SFXN5: variants seen among roughly 807,000 people sequenced by gnomAD.
The protein encoded by SFXN5 is sideroflexin 5.
In SFXN5, 43 loss-of-function variants were observed where a neutral mutation model predicts 50.2. The ratio of observed to expected loss-of-function variants is 0.86; its 90% CI spans 0.67 to 1.11. The LOEUF is 1.11. SFXN5 is among the 50% of genes least tolerant of loss of function. The pLI, the probability that SFXN5 is intolerant of heterozygous loss-of-function variation, is 0.00. For synonymous variants in SFXN5, 203 were observed against 185.8 expected (o/e 1.09, Z -0.75); for missense variants, 463 against 454.1 (o/e 1.02, Z -0.18).
At chr2:73,011,588 G>A (rs189152673) in intron 6 of SFXN5, among the ~76,000 whole-genome samples, 2 of 152,224 alleles carry the variant, frequency 1.3e-5, no homozygotes, top group African/African-American at 2.4e-5. Flanking sequence ...TATGGCCCAT[G>A]GAAGAATGGA....
chr2:72,950,092 A>G lies in SFXN5; in HGVS notation c.946-4993T>C, dbSNP rs1457512682. Among the ~76,000 whole-genome samples, 1 of 151,114 alleles carries G rather than the reference A, an allele frequency of 6.6e-6. No homozygotes were observed. The highest frequency in any genetic ancestry group is 1.5e-5 in the Non-Finnish European group (1 of 67,842). On this transcript the variant is annotated intron_variant, in intron 13 of 13. Coordinates refer to ENST00000272433, the MANE Select transcript of SFXN5 (RefSeq NM_144579.3). This position sits in a 1 kb window ranked among gnomAD's most constrained non-coding sequence, Gnocchi z 4.2. ...AGCATAGCCAGATCCTTCAGAGTGG[A>G]GGAGCTCGCCCAGGGAAGCAGATGG...
At chr2:72,948,916 C>A (rs1177132915) in intron 13 of SFXN5, among the ~76,000 whole-genome samples, 10 of 152,022 alleles carry the variant, frequency 6.6e-5, no homozygotes, top group Admixed American at 5.9e-4. Context: ...CCAACTCATG[C>A]CCTCTAGAAG....
At position 72,961,020 on chromosome 2, in the gene SFXN5, G is replaced by T; in HGVS notation, c.945+111C>A. 1 of 728,266 alleles carries T rather than the reference G, an allele frequency of 1.4e-6. No homozygotes were observed. The highest frequency in any genetic ancestry group is 2.1e-6 in the Non-Finnish European group (1 of 486,870). The allele number at this position is 728,266 out of a possible 1,614,324, so 45.1% of individuals were successfully genotyped here. A position where few individuals can be genotyped will look rare whatever the true frequency, so the allele number is the denominator to read the frequency against. ...TGGGCCAGCCTCATTCACGGTTCCA[G>T]CCCCAGCGCCTAGCATGGCGCTAAG... On this transcript the variant is annotated intron_variant, in intron 13 of 13. Coordinates refer to ENST00000272433, the MANE Select transcript of SFXN5 (RefSeq NM_144579.3). This position sits in a 1 kb window ranked among gnomAD's most constrained non-coding sequence, Gnocchi z 4.4.
At chr2:73,040,158 T>G (rs560513317) in intron 3 of SFXN5, among the ~76,000 whole-genome samples, 1 of 152,168 alleles carries the variant, frequency 6.6e-6, no homozygotes, top group African/African-American at 2.4e-5. Context: ...TATGCACACA[T>G]GACTTTGAAA....
intron 10 of SFXN5, among the ~76,000 whole-genome samples, chr2:72,975,694 T>A (rs1322195494): frequency 6.6e-6 from 1 of 152,220 alleles, no homozygotes; most frequent in Admixed American, 6.5e-5. Flanking sequence ...AAGTGTCACC[T>A]CAGCTGACCA....
At chr2:73,050,403 CA>C (rs1681131942) in intron 2 of SFXN5, among the ~76,000 whole-genome samples, 1 of 152,040 alleles carries the variant, frequency 6.6e-6, no homozygotes, top group Non-Finnish European at 1.5e-5. Flanking sequence ...CACACACACA[CA>C]CACACACACA....
intron 3 of SFXN5, among the ~76,000 whole-genome samples, chr2:73,029,189 A>G (rs1677981797): frequency 1.3e-5 from 2 of 152,174 alleles, no homozygotes; most frequent in Non-Finnish European, 2.9e-5. Flanking sequence ...GAGTGAAAGG[A>G]GGCATCCTGG....
chr2:73,020,299 T>C (rs1488147990), intron 5 of SFXN5, 35 bp from the exon 6 acceptor site: 1 of 1,611,954 alleles, frequency 6.2e-7, no homozygotes. Context: ...GGCCTTATAA[T>C]CCACTCACAT....
rs34643675 is a variant in SFXN5 at position 72,963,698 on chromosome 2, C to T, written c.828-2450G>A. Among the ~76,000 whole-genome samples the T allele has an allele frequency of 4.4e-3, 666 of 152,268 alleles. 3 individuals carry two copies. Among genetic ancestry groups the T allele is most frequent in the Non-Finnish European group, 7.8e-3 (532 of 68,010 alleles). On this transcript the variant is annotated intron_variant, in intron 12 of 13. Transcript: ENST00000272433. ...CGGACTCAGGGCTGTGGCCTGGGCC[C>T]GGAGCCAACTCAGACCCAGCCTGGT...
intron 10 of SFXN5, among the ~76,000 whole-genome samples, chr2:72,980,473 C>T (rs1216916532): frequency 1.3e-5 from 2 of 152,056 alleles, no homozygotes; most frequent in Admixed American, 1.3e-4. Flanking sequence ...CACAAAAATC[C>T]CCATTATTCC....
At chr2:73,000,373 G>C (rs1278027950) in intron 8 of SFXN5, 58 bp downstream of exon 8, 2 of 1,507,588 alleles carry the variant, frequency 1.3e-6, no homozygotes, top group African/African-American at 1.4e-5. Context: ...CTGTAGGGAG[G>C]ATGACTGGGC....
At chr2:72,969,154 TCA>T (rs1674851148) in intron 11 of SFXN5, among the ~76,000 whole-genome samples, 1 of 151,944 alleles carries the variant, frequency 6.6e-6, no homozygotes, top group Admixed American at 6.6e-5. Context: ...CAGATTCCCA[TCA>T]CCTGCCACAC....
intron 6 of SFXN5, among the ~76,000 whole-genome samples, chr2:73,011,999 A>G (rs1025327203): frequency 6.6e-5 from 10 of 152,208 alleles, no homozygotes; most frequent in Non-Finnish European, 1.2e-4. Context: ...ACTGGAGGAG[A>G]GGGTGCCATT....
At chr2:72,981,979 G>A (rs1671360187) in intron 10 of SFXN5, among the ~76,000 whole-genome samples, 1 of 151,626 alleles carries the variant, frequency 6.6e-6, no homozygotes, top group South Asian at 2.1e-4. Context: ...GTGTGTGTGT[G>A]TGTGTGTGTG....
In SFXN5 at chr2:72,942,168, C is replaced by T. The variant is rs1671499867; in HGVS notation, c.*2854G>A. On this transcript the variant is annotated 3_prime_UTR_variant, in exon 14 of 14. Transcript: ENST00000272433. ...GGCTGAGGCTTGCGTGCGGGGGCCT[C>T]ACTCTCACTGGGCCAGGCTTGAAGA... 6.6e-6 allele frequency: 1 copy of T among 152,250 alleles called. No homozygotes were observed. The allele number at this position is 152,250 out of a possible 1,614,324, so 9.4% of individuals were successfully genotyped here. A position where few individuals can be genotyped will look rare whatever the true frequency, so the allele number is the denominator to read the frequency against.
chr2:73,071,464 C>A (rs1417663809), intron 1 of SFXN5, 140 bp downstream of exon 1: 1 of 714,420 alleles, frequency 1.4e-6, no homozygotes. Context: ...TGACTGTGAC[C>A]GAGGTTCCCC....
intron 12 of SFXN5, among the ~76,000 whole-genome samples, chr2:72,963,129 T>G (rs1021627497): frequency 5.3e-5 from 8 of 152,080 alleles, no homozygotes; most frequent in Non-Finnish European, 1.2e-4. Flanking sequence ...AGGCCCTGCT[T>G]GGAGGAGGCT....
intron 1 of SFXN5, chr2:73,070,356 G>A (rs1683484734): frequency 6.6e-6 from 1 of 152,108 alleles, no homozygotes. Context: ...CGGCTCAGGA[G>A]CCAAGTTCCC....
intron 2 of SFXN5, among the ~76,000 whole-genome samples, chr2:73,044,331 G>C (rs1157959499): frequency 6.6e-6 from 1 of 152,244 alleles, no homozygotes; most frequent in African/African-American, 2.4e-5. Flanking sequence ...GCCTCTGAGA[G>C]CTACAGGCTG....
Sources: gnomAD v4.1 joint callset for allele counts (sites outside exome capture counted in the v4.1 genomes callset) on GRCh38, gnomAD v4.1.1 for gene constraint, Gnocchi (gnomAD v3.1) non-coding constraint, MANE v1.5 for transcripts, NCBI Gene and HGNC (gene_info 2026-07-23, HGNC 2026-07-21) for gene names.